TACR1: variants seen among roughly 807,000 people sequenced by gnomAD.
The protein encoded by TACR1 is substance-P receptor.
TACR1 carries 25 observed loss-of-function variants against 35.8 expected under a neutral mutation model. That is an observed-to-expected ratio of 0.70 (90% CI 0.51 to 0.98). TACR1 has a LOEUF of 0.98. Among genes scored for constraint, TACR1 ranks in the 50% least tolerant of loss-of-function variants. The pLI is 0.00. For synonymous variants in TACR1, 195 were observed against 206.7 expected, an observed-to-expected ratio of 0.94 and a Z score of 0.48; for missense variants, 478 against 522.9, an observed-to-expected ratio of 0.91 and a Z score of 0.84.
chr2:75,154,401 A>AGCGCGCGCGTGCGCGCGCGCGCGC (rs142809732), intron 1 of TACR1: 1 of 76,444 alleles, frequency 1.3e-5, no homozygotes, highest in African/African-American at 5.8e-5. Context: ...ATCAGCCAAG[A>AGCGCGCGCGTGCGCGCGCGCGCGC]GCGCGCACGC....
intron 3 of TACR1, among the ~76,000 whole-genome samples, chr2:75,052,226 TATAAA>T (rs1672483440): frequency 6.6e-6 from 1 of 152,150 alleles, no homozygotes; most frequent in African/African-American, 2.4e-5. Context: ...TTAGTGCCCT[TATAAA>T]ATAGGCCTGA....
At chr2:75,113,887 A>G (rs1673802800) in intron 2 of TACR1, among the ~76,000 whole-genome samples, 1 of 152,144 alleles carries the variant, frequency 6.6e-6, no homozygotes, top group Admixed American at 6.5e-5. Flanking sequence ...TTTAAGAAGT[A>G]GTGCTGTAGG....
In TACR1 at chr2:75,049,421, G is replaced by A; in HGVS notation, c.*11C>T. The stretch of plus-strand genomic sequence containing the variant: ...GGCAGTGGGGGCTGCACCTGCCAAA[G>A]GCCCTGTGGCCTAGGAGAGCACATT... On this transcript the variant is annotated 3_prime_UTR_variant, in exon 5 of 5. Transcript: ENST00000305249. 3.1e-6 allele frequency: 5 copies of A among 1,604,214 alleles called. No homozygotes were observed. Among genetic ancestry groups the A allele is most frequent in the Non-Finnish European group, 4.3e-6 (5 of 1,172,126 alleles).
chr2:75,139,195 C>G (rs1268704767), intron 1 of TACR1, among the ~76,000 whole-genome samples: 1 of 152,138 alleles, frequency 6.6e-6, no homozygotes, highest in Non-Finnish European at 1.5e-5. Context: ...ATCATGTAGA[C>G]TCTTCATAGC....
At chr2:75,151,199 A>C (rs1674661955) in intron 1 of TACR1, among the ~76,000 whole-genome samples, 1 of 152,266 alleles carries the variant, frequency 6.6e-6, no homozygotes, top group African/African-American at 2.4e-5. Context: ...AGCTGGCTGC[A>C]GAAGTTTGCA....
At chr2:75,124,074 C>T (rs1674025208) in intron 1 of TACR1, among the ~76,000 whole-genome samples, 1 of 152,180 alleles carries the variant, frequency 6.6e-6, no homozygotes, top group African/African-American at 2.4e-5. Flanking sequence ...CTGCCAGCGA[C>T]AGGGATCTGG....
At chr2:75,184,734 G>T (rs1387483208) in intron 1 of TACR1, among the ~76,000 whole-genome samples, 1 of 151,002 alleles carries the variant, frequency 6.6e-6, no homozygotes, top group East Asian at 1.9e-4. Context: ...AACATATGTG[G>T]TAATATGATA....
intron 1 of TACR1, among the ~76,000 whole-genome samples, chr2:75,168,727 T>C (rs1675205528): frequency 6.6e-6 from 1 of 152,236 alleles, no homozygotes. Context: ...CTGATACAAA[T>C]GGGCTGATTT....
At chr2:75,109,187 A>T (rs904187811) in intron 2 of TACR1, among the ~76,000 whole-genome samples, 1 of 152,180 alleles carries the variant, frequency 6.6e-6, no homozygotes, top group African/African-American at 2.4e-5. Flanking sequence ...GGGATGTACA[A>T]TCGGCATCGC....
At chr2:75,154,406 G>GCTCGCA (rs1264139655) in intron 1 of TACR1, 1 of 78,514 alleles carries the variant, frequency 1.3e-5, no homozygotes, top group African/African-American at 6.4e-5. Flanking sequence ...CCAAGAGCGC[G>GCTCGCA]CACGCACACA....
Position 75,051,388 on chromosome 2 carries a change from GT to G in TACR1, c.794del (p.His265ProfsTer15). 1 of 1,614,208 alleles carries G rather than the reference GT, an allele frequency of 6.2e-7. No homozygotes were observed. The highest frequency in any genetic ancestry group is 8.5e-7 in the Non-Finnish European group (1 of 1,180,038). On this transcript the variant is annotated frameshift_variant, in exon 4 of 5. Coordinates refer to ENST00000305249, the MANE Select transcript of TACR1 (RefSeq NM_001058.4). LOFTEE classifies it high-confidence loss of function. ...TGATGTAGGGCAGGAGGAAGAAGAT[GT>G]GGAAGGGCAGCCAGCAGATGGCGAA... Reference protein sequence around the residue: ...CTFAICWLPFHIFFLLPYINP... With the variant: ...CTFAICWLPFXIFFLLPYINP...
intron 2 of TACR1, among the ~76,000 whole-genome samples, chr2:75,094,066 A>AG (rs1159848146): frequency 6.6e-6 from 1 of 152,168 alleles, no homozygotes; most frequent in East Asian, 1.9e-4. Context: ...GTTTTGTTTA[A>AG]GATACTCTGT....
At chr2:75,128,277 T>C (rs1674113221) in intron 1 of TACR1, among the ~76,000 whole-genome samples, 1 of 152,202 alleles carries the variant, frequency 6.6e-6, no homozygotes, top group Non-Finnish European at 1.5e-5. Context: ...CACAGTGAAC[T>C]CCTTAATGCT....
chr2:75,131,377 C>T (rs561956209), intron 1 of TACR1, among the ~76,000 whole-genome samples: 11 of 152,162 alleles, frequency 7.2e-5, no homozygotes, highest in South Asian at 2.1e-4. Context: ...TGTGAGCCCC[C>T]GCACCCTGCC....
intron 2 of TACR1, among the ~76,000 whole-genome samples, chr2:75,099,643 G>C (rs1428532269): frequency 6.6e-6 from 1 of 152,156 alleles, no homozygotes; most frequent in African/African-American, 2.4e-5. Flanking sequence ...TGCGCGGCCA[G>C]GTTGACTGAT....
intron 2 of TACR1, among the ~76,000 whole-genome samples, chr2:75,065,673 A>G (rs1269285454): frequency 6.6e-6 from 1 of 152,178 alleles, no homozygotes; most frequent in Non-Finnish European, 1.5e-5. Context: ...TGAAGCTTGT[A>G]CTTTATCCTT....
chr2:75,127,953 A>ATGGAG (rs1674106707), intron 1 of TACR1, among the ~76,000 whole-genome samples: 1 of 152,224 alleles, frequency 6.6e-6, no homozygotes, highest in African/African-American at 2.4e-5. Flanking sequence ...TACTCCTGTT[A>ATGGAG]GCTGTCCTCC....
chr2:75,128,980 A>G (rs1213917383), intron 1 of TACR1, among the ~76,000 whole-genome samples: 2 of 152,294 alleles, frequency 1.3e-5, no homozygotes, highest in East Asian at 1.9e-4. Flanking sequence ...TTAGAGCTAA[A>G]ACTTAGGTAG....
intron 2 of TACR1, among the ~76,000 whole-genome samples, chr2:75,060,654 T>G (rs1228764466): frequency 6.6e-6 from 1 of 152,192 alleles, no homozygotes; most frequent in Non-Finnish European, 1.5e-5. Context: ...TTGAAGTTGG[T>G]GGAAAACCAT....
Sources: allele counts gnomAD v4.1 joint callset (sites outside exome capture counted in the v4.1 genomes callset), GRCh38; gene constraint gnomAD v4.1.1; transcripts MANE v1.5; gene names NCBI Gene and HGNC (gene_info 2026-07-23, HGNC 2026-07-21).